The following UNC45A variants were observed in gnomAD, a reference collection of about 807,000 sequenced individuals.
UNC45A encodes the protein unc-45 myosin chaperone A, also known as protein unc-45 homolog A.
In UNC45A, 78 loss-of-function variants were observed where a neutral mutation model predicts 103.2. The ratio of observed to expected loss-of-function variants is 0.76; its 90% CI spans 0.63 to 0.91. The LOEUF (loss-of-function observed/expected upper bound fraction) is 0.91. UNC45A is among the 40% of genes least tolerant of loss of function. The pLI is 0.00. For synonymous variants in UNC45A, 495 were observed against 504.6 expected, an observed-to-expected ratio of 0.98 and a Z score of 0.25; for missense variants, 1,193 against 1,224.8, an observed-to-expected ratio of 0.97 and a Z score of 0.39.
intron 19 of UNC45A, 24 bp downstream of exon 19, chr15:90,953,334 G>T (rs546954468): frequency 6.3e-7 from 1 of 1,599,054 alleles, no homozygotes; most frequent in East Asian, 2.2e-5. Context: ...CTCAGTGGGG[G>T]AGGAGGGACG....
At chr15:90,931,732 C>A, upstream of UNC45A, 1 of 1,614,140 alleles carries the variant, frequency 6.2e-7, no homozygotes, top group Non-Finnish European at 8.5e-7. Flanking sequence ...TCAGGTCCCT[C>A]AGATTGTACA....
upstream of UNC45A, chr15:90,933,806 C>T: frequency 2.7e-6 from 1 of 374,706 alleles, no homozygotes. Context: ...GTCCTTTGAG[C>T]CTTCTCTCCT....
intron 6 of UNC45A, among the ~76,000 whole-genome samples, chr15:90,941,497 G>A (rs1182001376): frequency 6.6e-6 from 1 of 152,142 alleles, no homozygotes; most frequent in Non-Finnish European, 1.5e-5. Context: ...CTGCATTCTG[G>A]GTCTCCCAAG....
chr15:90,935,171 C>T (rs2035936581), upstream of UNC45A: 1 of 734,862 alleles, frequency 1.4e-6, no homozygotes, highest in Non-Finnish European at 2.3e-6. Context: ...AGCGCCCCGC[C>T]CCTGCCCGGG....
chr15:90,934,523 C>T (rs1450390911), upstream of UNC45A: 3 of 398,900 alleles, frequency 7.5e-6, no homozygotes, highest in Non-Finnish European at 1.3e-5. Context: ...TCAATCTGTC[C>T]GCTCTTCCGC....
At chr15:90,946,580 C>T in intron 9 of UNC45A, 34 bp from the exon 10 acceptor site, 1 of 1,560,806 alleles carries the variant, frequency 6.4e-7, no homozygotes, top group South Asian at 1.2e-5. Context: ...TTATGTTGGC[C>T]TTGGTGTGAC....
At chr15:90,935,100 G>A (rs55986072), upstream of UNC45A, 48 of 590,092 alleles carry the variant, frequency 8.1e-5, no homozygotes, top group South Asian at 8.8e-4. Flanking sequence ...GCTCCCTGCA[G>A]GTCTCTGCGG....
Position 90,952,939 on chromosome 15 carries a change from C to G in UNC45A, c.2314C>G (p.Leu772Val). 6.2e-7 allele frequency: 1 copy of G among 1,612,902 alleles called. No individual in the cohort carries two copies. Among genetic ancestry groups the G allele is most frequent in the Non-Finnish European group, 8.5e-7 (1 of 1,180,016 alleles). ...CCTGTGGCCCTGCAGGCAGAAGATCCTGAAGGAGAAGGCTGTGCCCATGAT... is the reference window on the plus strand; with the variant it reads ...CCTGTGGCCCTGCAGGCAGAAGATCGTGAAGGAGAAGGCTGTGCCCATGAT... Reference protein sequence around the residue: ...GISERLRQKILKEKAVPMIEG... With the variant: ...GISERLRQKIVKEKAVPMIEG... Residue 772 changes from leucine to valine, a missense_variant, in exon 18 of 20, where the codon CTG (leucine) becomes GTG (valine). Transcript: ENST00000418476.
chr15:90,931,077 TA>T, upstream of UNC45A: 1 of 598,836 alleles, frequency 1.7e-6, no homozygotes. Context: ...AATGGATGGG[TA>T]CATCTGATTC....
At chr15:90,938,520 G>A (rs1254816442) in intron 4 of UNC45A, among the ~76,000 whole-genome samples, 4 of 152,024 alleles carry the variant, frequency 2.6e-5, no homozygotes, top group African/African-American at 7.2e-5. Flanking sequence ...GCCAAGCAGG[G>A]GAACGTGCCA....
In UNC45A at chr15:90,940,401, C is replaced by T; in HGVS notation, c.615C>T (p.Asp205=). 1 of 1,614,170 alleles carries T rather than the reference C, an allele frequency of 6.2e-7. No individual in the cohort carries two copies. The highest frequency in any genetic ancestry group is 8.5e-7 in the Non-Finnish European group (1 of 1,180,024). The change falls in exon 6 of 20, where the codon GAC becomes GAT. Residue 205 remains aspartate, a synonymous_variant. Coordinates refer to ENST00000418476, the MANE Select transcript of UNC45A (RefSeq NM_018671.5). ...NGVQLLQRLL[D]MGETDLMLAA... ...TTCAGCTCTTGCAACGTTTACTGGA[C>T]ATGGGAGAGACTGACCTCATGCTGG...
At chr15:90,949,893 C>T (rs1356317915) in intron 15 of UNC45A, 173 bp downstream of exon 15, 2 of 734,018 alleles carry the variant, frequency 2.7e-6, no homozygotes, top group East Asian at 5.4e-5. Flanking sequence ...CTCCTTGGCC[C>T]CTCCACACTG....
In UNC45A at chr15:90,949,868, G is replaced by C. The variant is rs905765172; in HGVS notation, c.2073+148G>C. 1.6e-5 allele frequency: 14 copies of C among 874,758 alleles called. No individual in the cohort carries two copies. In the African/African-American group the frequency reaches 2.3e-4, roughly 15 times the overall value. 54.2% of individuals were successfully genotyped at this position (874,758 alleles called of 1,614,324 possible). A position where few individuals can be genotyped will look rare whatever the true frequency, so the allele number is the denominator to read the frequency against. ...AACACCGTCCCGCTGAGAGAGTGAC[G>C]CGGAAGCAGGCAAGCTCCTTGGCCC... On this transcript the variant is annotated intron_variant, in intron 15 of 19. Coordinates refer to ENST00000418476, the MANE Select transcript of UNC45A (RefSeq NM_018671.5).
chr15:90,952,860 T>G, intron 17 of UNC45A, 69 bp from the exon 18 acceptor site: 1 of 1,453,126 alleles, frequency 6.9e-7, no homozygotes, highest in Non-Finnish European at 9.4e-7. Flanking sequence ...GGGATTATAG[T>G]TCAACATGAG....
intron 12 of UNC45A, 71 bp downstream of exon 12, chr15:90,948,354 A>C (rs772334803): frequency 1.4e-4 from 226 of 1,590,310 alleles, no homozygotes; most frequent in Non-Finnish European, 1.8e-4. Context: ...CTTTCTCGGC[A>C]GGGCTTGGCC....
chr15:90,939,216 G>A (rs1311477483), intron 4 of UNC45A, among the ~76,000 whole-genome samples: 1 of 152,176 alleles, frequency 6.6e-6, no homozygotes, highest in African/African-American at 2.4e-5. Context: ...CCTGACCTCA[G>A]GTGATCCACC....
Position 90,953,906 on chromosome 15 carries a change from C to A in UNC45A, c.*190C>A. On this transcript the variant is annotated 3_prime_UTR_variant, in exon 20 of 20. Transcript: ENST00000418476. ...CAGTCACACAGCCCTGCTTGGCCAG[C>A]ACTGCCTGCAGCCTCACTCAGAGGG... is the stretch of plus-strand genomic sequence containing the variant. The A allele has an allele frequency of 1.3e-6, 1 of 779,290 alleles. No individual in the cohort carries two copies. The highest frequency in any genetic ancestry group is 2.0e-6 in the Non-Finnish European group (1 of 497,726). The allele number at this position is 779,290 out of a possible 1,614,324, so 48.3% of individuals were successfully genotyped here.
chr15:90,932,618 C>A, upstream of UNC45A: 1 of 925,530 alleles, frequency 1.1e-6, no homozygotes, highest in Non-Finnish European at 1.4e-6. Flanking sequence ...CCGGGGAGGC[C>A]CGGGGATCGT....
intron 5 of UNC45A, 100 bp downstream of exon 5, chr15:90,939,923 C>A: frequency 8.7e-7 from 1 of 1,152,280 alleles, no homozygotes. Flanking sequence ...CTCCTCCAAT[C>A]GTGCAGCTGG....
Sources: gnomAD v4.1 joint callset for allele counts (sites outside exome capture counted in the v4.1 genomes callset) on GRCh38, gnomAD v4.1.1 for gene constraint, MANE v1.5 for transcripts, NCBI Gene and HGNC (gene_info 2026-07-23, HGNC 2026-07-21) for gene names.